The following TMC7 variants were observed in gnomAD, a reference collection of about 807,000 sequenced individuals.
The protein encoded by TMC7 is transmembrane channel like 7.
In TMC7, 54 loss-of-function variants were observed where a neutral mutation model predicts 82.9. The ratio of observed to expected loss-of-function variants is 0.65; its 90% CI spans 0.52 to 0.82. The LOEUF is 0.82. Among genes scored for constraint, TMC7 ranks in the 40% least tolerant of loss-of-function variants. TMC7 has a pLI of 0.00. For missense variants in TMC7, 820 were observed against 901.2 expected (o/e 0.91, Z 1.15); for synonymous variants, 350 against 337.9 (o/e 1.04, Z -0.39).
intron 12 of TMC7, among the ~76,000 whole-genome samples, chr16:19,049,020 AT>A (rs1235759051): frequency 5.3e-5 from 8 of 152,012 alleles, no homozygotes; most frequent in Admixed American, 3.9e-4. Flanking sequence ...AAAGTACTAG[AT>A]TATATTTTAG....
intron 4 of TMC7, among the ~76,000 whole-genome samples, chr16:19,022,533 T>C (rs1960026379): frequency 1.3e-5 from 2 of 152,218 alleles, no homozygotes; most frequent in Admixed American, 1.3e-4. Context: ...AGTGCAGTAA[T>C]GTGCTGTCCA....
intron 15 of TMC7, among the ~76,000 whole-genome samples, chr16:19,060,763 G>A (rs1050918020): frequency 2.7e-5 from 4 of 150,704 alleles, no homozygotes; most frequent in Non-Finnish European, 5.9e-5. Flanking sequence ...GGAAGCTGCT[G>A]AAGGGTTTGT....
intron 5 of TMC7, among the ~76,000 whole-genome samples, chr16:19,029,003 A>T (rs1960368412): frequency 7.1e-6 from 1 of 139,862 alleles, no homozygotes; most frequent in South Asian, 2.3e-4. Context: ...ATTTTATTTT[A>T]TTTATTTATT....
rs374541784 is a variant in TMC7, at chr16:19,047,799, G to GC, written c.1740+557dup. 8.8e-5 allele frequency among the ~76,000 whole-genome samples: 13 copies of GC among 147,210 alleles called. No individual in the cohort carries two copies. The East Asian group carries it at 1.6e-3, about 18-fold the overall frequency. ...ACGATCTCGGCTCACTGCAACCTCT[G>GC]CCCCCCCAGGTTCGAGCGATTCTCC... is the stretch of plus-strand genomic sequence containing the variant. On this transcript the variant is annotated intron_variant, in intron 12 of 15. Transcript: ENST00000304381.
At chr16:19,009,611 A>T (rs1191377339) in intron 2 of TMC7, among the ~76,000 whole-genome samples, 196 bp downstream of exon 2, 1 of 149,960 alleles carries the variant, frequency 6.7e-6, no homozygotes, top group Admixed American at 6.7e-5. Flanking sequence ...TTAAAAAAGA[A>T]AAAAAAAAAG....
At chr16:19,032,439 G>A (rs1960559082) in intron 6 of TMC7, among the ~76,000 whole-genome samples, 1 of 152,002 alleles carries the variant, frequency 6.6e-6, no homozygotes, top group Non-Finnish European at 1.5e-5. Flanking sequence ...GTTGATTGGG[G>A]TTCCGTGATT....
intron 6 of TMC7, among the ~76,000 whole-genome samples, chr16:19,031,553 C>G (rs1293610306): frequency 6.6e-6 from 1 of 152,172 alleles, no homozygotes; most frequent in Non-Finnish European, 1.5e-5. Flanking sequence ...CACCTGTAGT[C>G]CCAGCTGCTT....
intron 14 of TMC7, among the ~76,000 whole-genome samples, chr16:19,058,310 G>A (rs1287353209): frequency 1.3e-5 from 2 of 152,116 alleles, no homozygotes; most frequent in Admixed American, 6.6e-5. Context: ...AACCCGAGAG[G>A]CAGAGGTTGC....
rs58092157 is a variant in TMC7, at chr16:19,011,506, AAAATAAAT to A, written c.311+2127_311+2134del. Among the ~76,000 whole-genome samples, 794 of 137,856 alleles carry A rather than the reference AAAATAAAT, an allele frequency of 5.8e-3. 8 individuals carry two copies. The highest frequency in any genetic ancestry group is 0.011 in the African/African-American group (407 of 37,888). 90.4% of individuals were successfully genotyped at this position (137,856 alleles called of 152,430 possible). A position where few individuals can be genotyped will look rare whatever the true frequency, so the allele number is the denominator to read the frequency against. On this transcript the variant is annotated intron_variant, in intron 2 of 15. Coordinates refer to ENST00000304381, the MANE Select transcript of TMC7 (RefSeq NM_024847.4). ...CAGCATAGCAAGACCCTGTCTTTAC[AAAATAAAT>A]AAATAAATAAATAAATAAATAAATA...
rs111549281 is a variant in TMC7 at position 19,059,034 on chromosome 16, C to T, written c.2028-382C>T. Reference sequence around the variant, plus strand: ...CTGGGATTATAGGCGTCCACCACCACGCCCAGCTAACTTTTGTATTTTTAG... The same window carrying T: ...CTGGGATTATAGGCGTCCACCACCATGCCCAGCTAACTTTTGTATTTTTAG... On this transcript the variant is annotated intron_variant, in intron 14 of 15. Coordinates refer to ENST00000304381, the MANE Select transcript of TMC7 (RefSeq NM_024847.4). Among the ~76,000 whole-genome samples, 621 of 152,248 alleles carry T rather than the reference C, an allele frequency of 4.1e-3. 5 individuals carry two copies. The highest frequency in any genetic ancestry group is 0.014 in the African/African-American group (580 of 41,568).
At chr16:18,996,138 G>C (rs1337920373) in intron 1 of TMC7, among the ~76,000 whole-genome samples, 1 of 152,120 alleles carries the variant, frequency 6.6e-6, no homozygotes, top group Non-Finnish European at 1.5e-5. Context: ...GTGACAGATA[G>C]ATCCTAGGGT....
intron 5 of TMC7, among the ~76,000 whole-genome samples, chr16:19,029,300 CG>C (rs1340068415): frequency 6.6e-6 from 1 of 151,844 alleles, no homozygotes; most frequent in Admixed American, 6.6e-5. Context: ...CCACCGTGCC[CG>C]GCACGAGATT....
intron 13 of TMC7, among the ~76,000 whole-genome samples, chr16:19,052,147 G>A (rs191173751): frequency 9.9e-5 from 15 of 152,138 alleles, no homozygotes; most frequent in African/African-American, 3.4e-4. Flanking sequence ...GGCCAGGCTG[G>A]TCTCAAACTC....
chr16:19,001,804 T>G (rs1053294485), intron 1 of TMC7, among the ~76,000 whole-genome samples: 2 of 152,162 alleles, frequency 1.3e-5, no homozygotes, highest in Non-Finnish European at 2.9e-5. Flanking sequence ...ACAGAGCAAG[T>G]CTTCATCTTC....
chr16:19,034,370 G>A (rs762761606), intron 6 of TMC7, among the ~76,000 whole-genome samples: 2 of 152,002 alleles, frequency 1.3e-5, no homozygotes, highest in Admixed American at 1.3e-4. Flanking sequence ...AGGCCGAGGC[G>A]GATGGATGAT....
chr16:19,050,948 A>G (rs569553991), intron 12 of TMC7, among the ~76,000 whole-genome samples: 12 of 151,866 alleles, frequency 7.9e-5, no homozygotes, highest in Admixed American at 7.2e-4. Flanking sequence ...ATGCAATGGC[A>G]TGATCATAGC....
chr16:19,035,026 G>A (rs1363685716), intron 6 of TMC7, among the ~76,000 whole-genome samples: 2 of 152,100 alleles, frequency 1.3e-5, no homozygotes, highest in African/African-American at 4.8e-5. Context: ...AATCAACCTA[G>A]GTGCCCATCA....
At chr16:18,990,164 TG>T (rs1270695073) in intron 1 of TMC7, among the ~76,000 whole-genome samples, 1 of 151,986 alleles carries the variant, frequency 6.6e-6, no homozygotes, top group East Asian at 1.9e-4. Context: ...TTCTTAAGGG[TG>T]GGGGAGATTA....
intron 3 of TMC7, among the ~76,000 whole-genome samples, chr16:19,019,850 G>A (rs868803497): frequency 3.3e-5 from 5 of 152,192 alleles, no homozygotes; most frequent in Non-Finnish European, 5.9e-5. Flanking sequence ...GACATGAAGT[G>A]CAGGTGTGAT....
Sources: gnomAD v4.1 joint callset for allele counts (sites outside exome capture counted in the v4.1 genomes callset) on GRCh38, gnomAD v4.1.1 for gene constraint, MANE v1.5 for transcripts, NCBI Gene and HGNC (gene_info 2026-07-23, HGNC 2026-07-21) for gene names.